Variants in GRB10 observed in about 807,000 individuals in gnomAD.
The protein encoded by GRB10 is growth factor receptor bound protein 10, also known as growth factor receptor-bound protein 10.
GRB10 carries 20 observed loss-of-function variants against 80.9 expected under a neutral mutation model. The ratio of observed to expected loss-of-function variants is 0.25; its 90% CI spans 0.17 to 0.36. The LOEUF is 0.36. GRB10 is among the 10% of genes least tolerant of loss of function. The pLI is 1.00. For synonymous variants in GRB10, 291 were observed against 291.5 expected, an observed-to-expected ratio of 1.00 and a Z score of 0.02; for missense variants, 548 against 747.7, an observed-to-expected ratio of 0.73 and a Z score of 3.12.
At chr7:50,619,862 C>T (rs909955726) in intron 8 of GRB10, among the ~76,000 whole-genome samples, 28 of 152,148 alleles carry the variant, frequency 1.8e-4, no homozygotes, top group African/African-American at 6.3e-4. Context: ...TCTTGTCAAC[C>T]GAATTACACG....
At chr7:50,656,866 G>A (rs1368833603) in intron 7 of GRB10, among the ~76,000 whole-genome samples, 1 of 152,180 alleles carries the variant, frequency 6.6e-6, no homozygotes, top group Non-Finnish European at 1.5e-5. Flanking sequence ...CACATCCTGA[G>A]CTATAAAACA....
chr7:50,674,447 G>T lies in GRB10; in HGVS notation c.351C>A (p.Ile117=). 6.2e-7 allele frequency: 1 copy of T among 1,605,104 alleles called. No homozygotes were observed. Among genetic ancestry groups the T allele is most frequent in the Non-Finnish European group, 8.5e-7 (1 of 1,179,960 alleles). ...AGGCCTGGACCTACCTGACAGCGAG[G>T]ATGTGCACAGGCTGGGAGCGCTGCA... is the stretch of plus-strand genomic sequence containing the variant. ...QRVQRSQPVH[I]LAVRRLQEED... The change falls in exon 6 of 19, where the codon ATC becomes ATA. Residue 117 remains isoleucine, a synonymous_variant. Transcript: ENST00000401949.
At chr7:50,775,721 T>C (rs746207959) in intron 2 of GRB10, among the ~76,000 whole-genome samples, 3 of 152,216 alleles carry the variant, frequency 2.0e-5, no homozygotes, top group Non-Finnish European at 4.4e-5. Flanking sequence ...CTCTGAGGCA[T>C]CCTTTCAAAT....
chr7:50,627,183 G>C (rs973992455), intron 7 of GRB10, among the ~76,000 whole-genome samples: 12 of 152,142 alleles, frequency 7.9e-5, no homozygotes, highest in African/African-American at 2.7e-4. Context: ...CCTGGGGGCA[G>C]AGCAGGTAGG....
At chr7:50,707,400 C>T (rs1162528212) in intron 4 of GRB10, among the ~76,000 whole-genome samples, 1 of 152,216 alleles carries the variant, frequency 6.6e-6, no homozygotes, top group African/African-American at 2.4e-5. Context: ...TTCTCAGCCA[C>T]CTCCTCACCG....
chr7:50,616,282 C>G lies in GRB10; in HGVS notation c.912G>C (p.Lys304Asn). The G allele has an allele frequency of 6.2e-7, 1 of 1,614,224 alleles. No individual in the cohort carries two copies. The highest frequency in any genetic ancestry group is 8.5e-7 in the Non-Finnish European group (1 of 1,180,010). The change falls in exon 11 of 19, where the codon AAG (lysine) becomes AAC (asparagine). Residue 304 changes from lysine (K) to asparagine (N), a missense_variant. Lys to Asn is a moderately conservative substitution (Grantham distance 94). This residue lies in a region of GRB10 where 270 missense variants were observed against 433.6 expected (regional missense o/e 0.62). Coordinates refer to ENST00000401949, the MANE Select transcript of GRB10 (RefSeq NM_001350814.2). ...ACACATACAGCTTTTTCCATGATTTCTTTCCCAGCTCTTTCACATGCAAAA... is the reference window on the plus strand; with the variant it reads ...ACACATACAGCTTTTTCCATGATTTGTTTCCCAGCTCTTTCACATGCAAAA... The part of the protein sequence containing the change: ...QGFLHVKELG[K>N]KSWKKLYVCL...
At chr7:50,692,134 TTAAG>T (rs2062889096) in intron 5 of GRB10, among the ~76,000 whole-genome samples, 2 of 152,162 alleles carry the variant, frequency 1.3e-5, no homozygotes, top group Middle Eastern at 3.2e-3. Flanking sequence ...TTACATTGCA[TTAAG>T]TATTATAAGT....
chr7:50,665,664 G>A lies in GRB10; in HGVS notation c.504+4058C>T, dbSNP rs189384996. Reference sequence around the variant, plus strand: ...CAACGAGCCTGGGTGGGACCAGGGAGGTGAGACCGACCCTGCACTGCTTCT... The same window carrying A: ...CAACGAGCCTGGGTGGGACCAGGGAAGTGAGACCGACCCTGCACTGCTTCT... On this transcript the variant is annotated intron_variant, in intron 7 of 18. Coordinates refer to ENST00000401949, the MANE Select transcript of GRB10 (RefSeq NM_001350814.2). Among the ~76,000 whole-genome samples the A allele has an allele frequency of 5.3e-5, 8 of 152,314 alleles. No individual in the cohort carries two copies. In the East Asian group the frequency reaches 9.7e-4, roughly 18 times the overall value.
intron 5 of GRB10, 76 bp from the exon 6 acceptor site, chr7:50,674,734 G>C: frequency 3.2e-6 from 4 of 1,257,198 alleles, no homozygotes; most frequent in Non-Finnish European, 4.6e-6. Context: ...ACATCTTGGT[G>C]ATCAGGTTCC....
intron 5 of GRB10, among the ~76,000 whole-genome samples, chr7:50,690,956 G>A (rs192009735): frequency 6.6e-6 from 1 of 152,324 alleles, no homozygotes; most frequent in African/African-American, 2.4e-5. Flanking sequence ...TTTCAGTTCT[G>A]CTCCAAATAA....
intron 7 of GRB10, among the ~76,000 whole-genome samples, chr7:50,639,698 T>C (rs1351243258): frequency 6.7e-6 from 1 of 150,236 alleles, no homozygotes; most frequent in African/African-American, 2.4e-5. Flanking sequence ...AAGTCAACCA[T>C]GGTTTTCAGA....
intron 17 of GRB10, chr7:50,595,797 G>T (rs768259635): frequency 2.4e-6 from 1 of 414,338 alleles, no homozygotes; most frequent in Non-Finnish European, 4.5e-6. Context: ...CAGGGTTAGG[G>T]CAGGGAAACT....
chr7:50,728,113 G>C (rs534821041), intron 4 of GRB10, among the ~76,000 whole-genome samples: 2 of 152,116 alleles, frequency 1.3e-5, no homozygotes, highest in Non-Finnish European at 1.5e-5. Context: ...CATTTCAAAT[G>C]ATCTTCGTAA....
chr7:50,627,055 C>T, intron 7 of GRB10, 77 bp from the exon 8 acceptor site: 2 of 1,468,994 alleles, frequency 1.4e-6, no homozygotes, highest in Non-Finnish European at 1.9e-6. Flanking sequence ...CAAAAGAAAA[C>T]AGGTAAAGTA....
At chr7:50,594,889 G>A (rs1252594085) in intron 18 of GRB10, among the ~76,000 whole-genome samples, 1 of 152,166 alleles carries the variant, frequency 6.6e-6, no homozygotes, top group African/African-American at 2.4e-5. Flanking sequence ...CATGTGGAAG[G>A]AGAAACAAAA....
chr7:50,633,400 G>A (rs2054369244), intron 7 of GRB10, among the ~76,000 whole-genome samples: 1 of 152,148 alleles, frequency 6.6e-6, no homozygotes, highest in Admixed American at 6.5e-5. Context: ...CCTCAAGGTG[G>A]GGGAGGGAAG....
rs1288837191 is a variant in GRB10, at chr7:50,592,584, CAT to C, written c.*366_*367del. 3 of 304,664 alleles carry C rather than the reference CAT, an allele frequency of 9.8e-6. No individual in the cohort carries two copies. The highest frequency in any genetic ancestry group is 1.3e-5 in the Non-Finnish European group (2 of 158,110). The allele number at this position is 304,664 out of a possible 1,614,324, so 18.9% of individuals were successfully genotyped here. ...AAGTGATCAATACAAAAAAAGTAAA[CAT>C]ATCAGTTTTAATTGTCAAGATTATT... On this transcript the variant is annotated 3_prime_UTR_variant, in exon 19 of 19. Transcript: ENST00000401949.
At chr7:50,630,074 T>A (rs1440261688) in intron 7 of GRB10, among the ~76,000 whole-genome samples, 1 of 152,262 alleles carries the variant, frequency 6.6e-6, no homozygotes, top group Non-Finnish European at 1.5e-5. Context: ...CTATCCCGGC[T>A]TAGCCTCCTA....
chr7:50,650,313 G>A (rs1407803238), intron 7 of GRB10, among the ~76,000 whole-genome samples: 2 of 152,194 alleles, frequency 1.3e-5, no homozygotes, highest in Non-Finnish European at 2.9e-5. Context: ...AGAACAGAGC[G>A]CCAACCAAGG....
Sources: gnomAD v4.1 joint callset for allele counts (sites outside exome capture counted in the v4.1 genomes callset) on GRCh38, gnomAD v4.1.1 for gene constraint, gnomAD v4.1.1 regional missense constraint, MANE v1.5 for transcripts, NCBI Gene and HGNC (gene_info 2026-07-23, HGNC 2026-07-21) for gene names.